The following ASB4 variants were observed in gnomAD, a reference collection of about 807,000 sequenced individuals.
The protein encoded by ASB4 is ankyrin repeat and SOCS box containing 4, also known as ankyrin repeat and SOCS box protein 4.
Under a neutral mutation model 38.6 loss-of-function variants are expected in ASB4, and 35 were observed. The observed-to-expected ratio is 0.91, with a 90% CI of 0.69 to 1.20. The LOEUF (loss-of-function observed/expected upper bound fraction) is 1.20. ASB4 is among the 50% of genes most tolerant of loss of function. The pLI, the probability that ASB4 is intolerant of heterozygous loss-of-function variation, is 0.00. For missense variants in ASB4, 557 were observed against 527.2 expected (o/e 1.06, Z -0.55); for synonymous variants, 195 against 201.3 (o/e 0.97, Z 0.26).
chr7:95,507,249 C>T (rs73711334), intron 2 of ASB4, among the ~76,000 whole-genome samples: 4,602 of 151,454 alleles, frequency 0.03, 248 homozygotes, highest in African/African-American at 0.1. Flanking sequence ...TCAGATTCTC[C>T]GAAAAAAAAT....
chr7:95,484,637 G>C (rs1207666697), upstream of ASB4, among the ~76,000 whole-genome samples: 3 of 152,106 alleles, frequency 2.0e-5, no homozygotes, highest in Admixed American at 6.5e-5. Flanking sequence ...TAGTATCATT[G>C]TAAGTTTTTA....
upstream of ASB4, among the ~76,000 whole-genome samples, chr7:95,474,834 T>G (rs1239639361): frequency 6.6e-6 from 1 of 152,212 alleles, no homozygotes; most frequent in Non-Finnish European, 1.5e-5. Context: ...AAAATTAGTT[T>G]TTATATCATT....
At chr7:95,506,640 AT>A (rs977935425) in intron 2 of ASB4, among the ~76,000 whole-genome samples, 1 of 138,880 alleles carries the variant, frequency 7.2e-6, no homozygotes, top group Non-Finnish European at 1.6e-5. Context: ...TTACATCTTC[AT>A]TTTTTTATGT....
intron 3 of ASB4, among the ~76,000 whole-genome samples, chr7:95,529,685 G>T (rs1053165622): frequency 6.6e-6 from 1 of 152,148 alleles, no homozygotes; most frequent in Non-Finnish European, 1.5e-5. Flanking sequence ...TTTTCCAAAA[G>T]TTTTTTAGGG....
In ASB4 at chr7:95,495,738, C is replaced by CTTTTT. The variant is rs35506436; in HGVS notation, c.188-8_188-4dup. On this transcript the variant is annotated intron_variant, in intron 1 of 4. Transcript: ENST00000325885. ...GTCAAGAAGTTAAACTTTCCTTTTC[C>CTTTTT]TTTTTTTTTTTTTTTTCAGGTTACT... is the stretch of plus-strand genomic sequence containing the variant. The CTTTTT allele has an allele frequency of 3.2e-5, 46 of 1,442,450 alleles. No individual in the cohort carries two copies. In the African/African-American group the frequency reaches 4.0e-4, roughly 13 times the overall value. 89.4% of individuals were successfully genotyped at this position (1,442,450 alleles called of 1,614,324 possible).
At chr7:95,475,225 A>G (rs79504713), upstream of ASB4, among the ~76,000 whole-genome samples, 2,025 of 152,280 alleles carry the variant, frequency 0.013, 62 homozygotes, top group Admixed American at 0.055. Context: ...TCAATAGAAT[A>G]GGTAGGGTCA....
chr7:95,531,083 G>A (rs1172028039), intron 3 of ASB4, among the ~76,000 whole-genome samples: 2 of 152,220 alleles, frequency 1.3e-5, no homozygotes, highest in African/African-American at 2.4e-5. Context: ...CCAGAAGGAA[G>A]TTATTCCTAC....
At position 95,486,121 on chromosome 7, in the gene ASB4, C is replaced by T. The variant is rs553585471; in HGVS notation, c.150C>T (p.Val50=). ...RQIDVDTVFE[V]EDENMVLASY... is the part of the protein sequence containing the mutation. ...TAGATGTGGACACTGTTTTTGAAGT[C>T]GAAGATGAGAATATGGTTTTGGCAT... The change falls in exon 1 of 5, where the codon GTC becomes GTT. Residue 50 remains valine, a synonymous_variant. Coordinates refer to ENST00000325885, the MANE Select transcript of ASB4 (RefSeq NM_016116.3). 1.4e-5 allele frequency: 23 copies of T among 1,613,364 alleles called. No individual in the cohort carries two copies. The Admixed American group carries it at 2.7e-4, about 19-fold the overall frequency.
chr7:95,480,577 A>G (rs1790014333), intron 1 of ASB4, among the ~76,000 whole-genome samples: 1 of 152,198 alleles, frequency 6.6e-6, no homozygotes, highest in Non-Finnish European at 1.5e-5. Context: ...CCATGTTGTG[A>G]GGATACTCAA....
At chr7:95,508,643 G>A (rs1360018557) in intron 2 of ASB4, among the ~76,000 whole-genome samples, 5 of 152,122 alleles carry the variant, frequency 3.3e-5, no homozygotes, top group African/African-American at 1.2e-4. Flanking sequence ...CTTGGGTGCA[G>A]GCACTGAGAC....
intron 2 of ASB4, 176 bp downstream of exon 2, chr7:95,496,233 C>T (rs987316053): frequency 3.7e-6 from 2 of 540,480 alleles, no homozygotes; most frequent in Non-Finnish European, 6.4e-6. Context: ...ATGATGATCA[C>T]ATTAAAATCT....
At position 95,506,598 on chromosome 7, in the gene ASB4, T is replaced by G. The variant is rs909262090; in HGVS notation, c.487+10541T>G. Among the ~76,000 whole-genome samples the G allele has an allele frequency of 3.4e-4, 51 of 152,188 alleles. 1 individual carries two copies. The highest frequency in any genetic ancestry group is 1.2e-3 in the African/African-American group (49 of 41,434). ...GGCATTGCCCCATTGCCTTCTAGTT[T>G]CCAGTACTGCAGCTGGAAAATTGAA... On this transcript the variant is annotated intron_variant, in intron 2 of 4. Coordinates refer to ENST00000325885, the MANE Select transcript of ASB4 (RefSeq NM_016116.3).
chr7:95,490,843 C>T (rs916803503), intron 1 of ASB4, among the ~76,000 whole-genome samples: 2 of 152,266 alleles, frequency 1.3e-5, no homozygotes, highest in African/African-American at 4.8e-5. Context: ...CACGATTAGT[C>T]TGCATATTTT....
chr7:95,471,880 T>TTTTTTTTTTTTTGAG, the ASB4 span: 1 of 150,706 alleles, frequency 6.6e-6, no homozygotes, highest in Non-Finnish European at 1.5e-5. Flanking sequence ...CTGCTTTTTT[T>TTTTTTTTTTTTTGAG]AACAGATGAA....
downstream of ASB4, among the ~76,000 whole-genome samples, chr7:95,541,494 C>T (rs1358271514): frequency 6.6e-6 from 1 of 152,108 alleles, no homozygotes. Flanking sequence ...TGAGCTTGTA[C>T]TGTGTCAGGA....
the ASB4 span, among the ~76,000 whole-genome samples, chr7:95,551,052 C>T: frequency 1.1e-3 from 163 of 152,292 alleles, no homozygotes; most frequent in Non-Finnish European, 2.0e-3. Flanking sequence ...GTGATCTTGG[C>T]TCACTGCAAC....
intron 2 of ASB4, among the ~76,000 whole-genome samples, chr7:95,515,172 TCTTTCTTTC>T (rs1394816592): frequency 6.5e-5 from 3 of 46,218 alleles, no homozygotes; most frequent in African/African-American, 2.8e-4. Flanking sequence ...TCTTTCTCTT[TCTTTCTTTC>T]TTTCTTTCTT....
chr7:95,489,524 A>AAT (rs1790140268), intron 1 of ASB4, among the ~76,000 whole-genome samples: 2 of 152,214 alleles, frequency 1.3e-5, no homozygotes, highest in Admixed American at 1.3e-4. Context: ...CTGCAGATGA[A>AAT]ATCATGTTTT....
At chr7:95,499,804 T>C (rs1790306801) in intron 2 of ASB4, among the ~76,000 whole-genome samples, 1 of 149,732 alleles carries the variant, frequency 6.7e-6, no homozygotes, top group Non-Finnish European at 1.5e-5. Flanking sequence ...CGAGACAGGA[T>C]AACTGAAAGT....
Sources: gnomAD v4.1 joint callset for allele counts (sites outside exome capture counted in the v4.1 genomes callset) on GRCh38, gnomAD v4.1.1 for gene constraint, MANE v1.5 for transcripts, NCBI Gene and HGNC (gene_info 2026-07-23, HGNC 2026-07-21) for gene names.